The following INPP5F variants were observed in gnomAD, a reference collection of about 807,000 sequenced individuals.
INPP5F encodes the protein phosphatidylinositide 4-phosphatase SAC2.
Under a neutral mutation model 137.2 loss-of-function variants are expected in INPP5F, and 97 were observed. The observed-to-expected ratio is 0.71, with a 90% CI of 0.60 to 0.84. INPP5F has a LOEUF of 0.84. Ranked by LOEUF, INPP5F falls within the 40% of genes least tolerant of loss-of-function variation. INPP5F has a pLI of 0.00. For synonymous variants in INPP5F, 504 were observed against 476.9 expected (o/e 1.06, Z -0.74); for missense variants, 1,271 against 1,371.9 (o/e 0.93, Z 1.16).
chr10:119,750,685 C>G (rs758690941), intron 1 of INPP5F, among the ~76,000 whole-genome samples: 1 of 152,150 alleles, frequency 6.6e-6, no homozygotes, highest in African/African-American at 2.4e-5. Context: ...GAGTGTGATC[C>G]AGTAAGTGGA....
chr10:119,823,693 G>A, intron 18 of INPP5F, 122 bp from the exon 19 acceptor site: 1 of 629,396 alleles, frequency 1.6e-6, no homozygotes. Flanking sequence ...ATAAATCGAA[G>A]CAAATAAATT....
intron 6 of INPP5F, chr10:119,793,556 T>C (rs190674002): frequency 1.5e-4 from 23 of 152,380 alleles, no homozygotes; most frequent in Admixed American, 1.5e-3. Context: ...AAGAACTCTC[T>C]GGAGCATTTT....
At chr10:119,743,441 C>T (rs563343781) in intron 1 of INPP5F, among the ~76,000 whole-genome samples, 32 of 152,196 alleles carry the variant, frequency 2.1e-4, no homozygotes, top group South Asian at 8.3e-4. Flanking sequence ...AGTAAGATGC[C>T]GTGATGGGAA....
At chr10:119,730,840 T>C (rs1421726044) in intron 1 of INPP5F, among the ~76,000 whole-genome samples, 1 of 151,478 alleles carries the variant, frequency 6.6e-6, no homozygotes, top group Non-Finnish European at 1.5e-5. Context: ...CAGGCTGGAG[T>C]GCAGTGGCGT....
chr10:119,767,107 GAAAAAAAAAAAAAAAAA>G (rs35875262), intron 2 of INPP5F, among the ~76,000 whole-genome samples: 1 of 40,540 alleles, frequency 2.5e-5, no homozygotes, highest in African/African-American at 1.1e-4. Flanking sequence ...TCTGTCTCCA[GAAAAAAAAAAAAAAAAA>G]AAAAAAAAAC....
intron 1 of INPP5F, among the ~76,000 whole-genome samples, chr10:119,740,984 G>A (rs1166848816): frequency 2.0e-5 from 3 of 152,174 alleles, no homozygotes; most frequent in African/African-American, 7.2e-5. Context: ...CGGATGCTGG[G>A]CACTTTTCAC....
At position 119,827,203 on chromosome 10, in the gene INPP5F, C is replaced by T; in HGVS notation, c.2822C>T (p.Pro941Leu). Residue 941 changes from proline to leucine, a missense_variant, in exon 20 of 20, where the codon CCT (proline) becomes CTT (leucine). Pro to Leu is a moderately conservative substitution (Grantham distance 98, BLOSUM62 -3). Transcript: ENST00000650623. ...CAGGAGTCTCCTTTGAAGAAAAGTC[C>T]TTCTGCTGGCGACGTACACATATTG... ...KGQESPLKKS[P>L]SAGDVHILTG... 1 of 1,614,088 alleles carries T rather than the reference C, an allele frequency of 6.2e-7. No individual in the cohort carries two copies. The highest frequency in any genetic ancestry group is 1.1e-5 in the South Asian group (1 of 91,074).
chr10:119,771,845 G>GAGATATATAT (rs1445944351), intron 2 of INPP5F, among the ~76,000 whole-genome samples: 8 of 32,796 alleles, frequency 2.4e-4, no homozygotes, highest in East Asian at 1.8e-3. Context: ...AAAGTATGGA[G>GAGATATATAT]ATATATATAT....
intron 6 of INPP5F, among the ~76,000 whole-genome samples, chr10:119,795,049 G>A (rs1459822733): frequency 3.1e-5 from 4 of 128,770 alleles, no homozygotes; most frequent in East Asian, 2.4e-4. Flanking sequence ...CCTCCCTCCC[G>A]GATGGGGCGG....
In INPP5F at chr10:119,745,699, C is replaced by CTTT. The variant is rs35485618; in HGVS notation, c.98-5356_98-5354dup. On this transcript the variant is annotated intron_variant, in intron 1 of 19. Coordinates refer to ENST00000650623, the MANE Select transcript of INPP5F (RefSeq NM_014937.4). ...GTCTCCAGGAAGCTCAGGCTCATTC[C>CTTT]TTTTTTTTTTTTTTTTTTTTTTTGA... 1.4e-3 allele frequency among the ~76,000 whole-genome samples: 124 copies of CTTT among 90,540 alleles called. 2 individuals are homozygous for CTTT. The highest frequency in any genetic ancestry group is 6.5e-3 in the South Asian group (16 of 2,470). The allele number at this position is 90,540 out of a possible 152,430, so 59.4% of individuals were successfully genotyped here.
At chr10:119,806,949 A>G (rs907965320) in intron 12 of INPP5F, among the ~76,000 whole-genome samples, 1 of 151,354 alleles carries the variant, frequency 6.6e-6, no homozygotes, top group African/African-American at 2.4e-5. Context: ...AGTGCCTCCT[A>G]TTGGCAGATC....
chr10:119,827,284 A>G lies in INPP5F; in HGVS notation c.2903A>G (p.Gln968Arg). The G allele has an allele frequency of 6.2e-7, 1 of 1,614,180 alleles. No individual in the cohort carries two copies. ...IYCHRFVQDA[Q>R]NKVTHLSETR... Reference sequence around the variant, plus strand: ...TGCCACAGATTTGTGCAAGATGCACAGAACAAAGTGACCCACCTATCAGAG... The same window carrying G: ...TGCCACAGATTTGTGCAAGATGCACGGAACAAAGTGACCCACCTATCAGAG... Residue 968 changes from glutamine (Q) to arginine (R), a missense_variant, in exon 20 of 20, where the codon CAG (glutamine) becomes CGG (arginine). By Grantham distance (43) the Gln-to-Arg change is conservative. Around this residue, in one of 6 missense-constraint regions of INPP5F, gnomAD observed 490 missense variants for 443.7 expected, o/e 1.10. Coordinates refer to ENST00000650623, the MANE Select transcript of INPP5F (RefSeq NM_014937.4).
rs995513677 is a variant in INPP5F, at chr10:119,829,096, C to A, written c.*1316C>A. The stretch of plus-strand genomic sequence containing the variant: ...TTATTAGTGCTATCTTTTTTTTTTA[C>A]GTGTTAAATCTTGTGATTATTAAAA... On this transcript the variant is annotated 3_prime_UTR_variant, in exon 20 of 20. Transcript: ENST00000650623. 1 of 151,666 alleles carries A rather than the reference C, an allele frequency of 6.6e-6. No homozygotes were observed. Among genetic ancestry groups the A allele is most frequent in the African/African-American group, 2.4e-5 (1 of 41,132 alleles). 9.4% of individuals were successfully genotyped at this position (151,666 alleles called of 1,614,324 possible). A position where few individuals can be genotyped will look rare whatever the true frequency, so the allele number is the denominator to read the frequency against.
Position 119,797,627 on chromosome 10 carries a change from G to C in INPP5F, c.1035G>C (p.Pro345=), listed in dbSNP as rs138895463. ...TTGGGTATCGATATAACCCAAGACC[G>C]CGGCTGGACAGAAGTAAGCAGGTCA... is the stretch of plus-strand genomic sequence containing the variant. ...SQVGYRYNPR[P]RLDRSEKETV... Residue 345 remains proline, a synonymous_variant, in exon 8 of 20, where the codon CCG becomes CCC. Coordinates refer to ENST00000650623, the MANE Select transcript of INPP5F (RefSeq NM_014937.4). 2 of 1,609,778 alleles carry C rather than the reference G, an allele frequency of 1.2e-6. No homozygotes were observed. The highest frequency in any genetic ancestry group is 1.7e-6 in the Non-Finnish European group (2 of 1,178,208).
At chr10:119,747,116 T>C (rs1202454867) in intron 1 of INPP5F, among the ~76,000 whole-genome samples, 1 of 152,104 alleles carries the variant, frequency 6.6e-6, no homozygotes, top group Non-Finnish European at 1.5e-5. Context: ...TAATTAAGTG[T>C]TTAATCTTAT....
intron 2 of INPP5F, among the ~76,000 whole-genome samples, chr10:119,771,883 T>TATATATATATATATATA (rs1491430102): frequency 6.0e-4 from 12 of 20,062 alleles, no homozygotes; most frequent in Admixed American, 9.5e-4. Context: ...TATATATATA[T>TATATATATATATATATA]TTTTTTTTTT....
intron 3 of INPP5F, among the ~76,000 whole-genome samples, chr10:119,785,535 C>CGAGAGAGAGAGAGA (rs59804262): frequency 0.04 from 3,712 of 93,492 alleles, 404 homozygotes; most frequent in Non-Finnish European, 0.047. Context: ...GTGATCCGCT[C>CGAGAGAGAGAGAGA]GAGAGAGAGA....
intron 8 of INPP5F, 48 bp downstream of exon 8, chr10:119,797,688 T>A: frequency 7.0e-7 from 1 of 1,430,148 alleles, no homozygotes; most frequent in Non-Finnish European, 9.4e-7. Context: ...TCAGAGAGAA[T>A]AGTTTTTAAG....
chr10:119,808,066 T>C lies in INPP5F; in HGVS notation c.1569+6T>C. The C allele has an allele frequency of 6.2e-7, 1 of 1,608,966 alleles. No homozygotes were observed. The highest frequency in any genetic ancestry group is 8.5e-7 in the Non-Finnish European group (1 of 1,178,330). On this transcript the variant is annotated splice_donor_region_variant and intron_variant, in intron 13 of 19. Coordinates refer to ENST00000650623, the MANE Select transcript of INPP5F (RefSeq NM_014937.4). ...CTGGGACAGCTGCTCTGAAGGTAAA[T>C]ACTTGCAGGAAGCATCTGTGGGTCA... is the stretch of plus-strand genomic sequence containing the variant.
Sources: gnomAD v4.1 joint callset for allele counts (sites outside exome capture counted in the v4.1 genomes callset) on GRCh38, gnomAD v4.1.1 for gene constraint, gnomAD v4.1.1 regional missense constraint, MANE v1.5 for transcripts, NCBI Gene and HGNC (gene_info 2026-07-23, HGNC 2026-07-21) for gene names.